NCAM2: variants seen among roughly 807,000 people sequenced by gnomAD.
NCAM2 encodes the protein neural cell adhesion molecule 2.
NCAM2 carries 30 observed loss-of-function variants against 98.1 expected under a neutral mutation model. The ratio of observed to expected loss-of-function variants is 0.31; its 90% CI spans 0.23 to 0.41. The LOEUF is 0.41. NCAM2 is among the 10% of genes least tolerant of loss of function. NCAM2 has a pLI of 1.00. For missense variants in NCAM2, 867 were observed against 1,005.8 expected, an observed-to-expected ratio of 0.86 and a Z score of 1.87; for synonymous variants, 368 against 342.4, an observed-to-expected ratio of 1.07 and a Z score of -0.83.
chr21:21,454,532 G>A (rs529120184), intron 12 of NCAM2, among the ~76,000 whole-genome samples: 3 of 152,072 alleles, frequency 2.0e-5, no homozygotes, highest in Admixed American at 1.3e-4. Flanking sequence ...TCAAAATAAT[G>A]TGTATTAGAC....
At chr21:21,049,868 T>C (rs2065072051) in intron 1 of NCAM2, among the ~76,000 whole-genome samples, 1 of 141,152 alleles carries the variant, frequency 7.1e-6, no homozygotes, top group Non-Finnish European at 1.6e-5. Flanking sequence ...TGAAACTCCA[T>C]CTCAAAAAAA....
chr21:21,359,627 G>A (rs1179670284), intron 8 of NCAM2, among the ~76,000 whole-genome samples: 1 of 151,684 alleles, frequency 6.6e-6, no homozygotes, highest in Non-Finnish European at 1.5e-5. Flanking sequence ...AGTTGTTTGG[G>A]GGAAAATGTT....
At chr21:21,368,383 A>C (rs1449313752) in intron 8 of NCAM2, among the ~76,000 whole-genome samples, 1 of 151,780 alleles carries the variant, frequency 6.6e-6, no homozygotes, top group Non-Finnish European at 1.5e-5. Flanking sequence ...CATTTTCACT[A>C]CCATTACCTT....
chr21:21,116,804 G>A (rs113947153), intron 1 of NCAM2, among the ~76,000 whole-genome samples: 1 of 151,668 alleles, frequency 6.6e-6, no homozygotes, highest in Non-Finnish European at 1.5e-5. Flanking sequence ...GCAGTGAGCC[G>A]AGATCGTGCC....
rs545038976 is a variant in NCAM2 at position 21,043,681 on chromosome 21, A to G, written c.55+45063A>G. On this transcript the variant is annotated intron_variant, in intron 1 of 17. Coordinates refer to ENST00000400546, the MANE Select transcript of NCAM2 (RefSeq NM_004540.5). ...TCCTGGCTAACACAGTGAAACCGCG[A>G]ATCTACTAAAAATACAAAAAAAAAT... is the stretch of plus-strand genomic sequence containing the variant. Among the ~76,000 whole-genome samples the G allele has an allele frequency of 2.6e-4, 40 of 151,722 alleles. No individual in the cohort carries two copies. In the East Asian group the frequency reaches 7.6e-3, roughly 29 times the overall value.
At chr21:21,153,529 A>T (rs1236452148) in intron 1 of NCAM2, among the ~76,000 whole-genome samples, 2 of 151,976 alleles carry the variant, frequency 1.3e-5, no homozygotes, top group Non-Finnish European at 2.9e-5. Context: ...ATTTAAATGA[A>T]CGTTTGGAGG....
At position 21,235,357 on chromosome 21, in the gene NCAM2, T is replaced by C. The variant is rs887847360; in HGVS notation, c.56-45221T>C. Among the ~76,000 whole-genome samples the C allele has an allele frequency of 2.0e-5, 3 of 152,086 alleles. No homozygotes were observed. The East Asian group carries it at 5.8e-4, about 29-fold the overall frequency. Reference sequence around the variant, plus strand: ...TTGCAGGGAAATTTAAGAAATAGTTTTATTTATTTCTTCTCTGATTAAATA... The same window carrying C: ...TTGCAGGGAAATTTAAGAAATAGTTCTATTTATTTCTTCTCTGATTAAATA... On this transcript the variant is annotated intron_variant, in intron 1 of 17. Coordinates refer to ENST00000400546, the MANE Select transcript of NCAM2 (RefSeq NM_004540.5).
At chr21:21,522,652 A>G (rs1237091335) in intron 16 of NCAM2, among the ~76,000 whole-genome samples, 2 of 47,592 alleles carry the variant, frequency 4.2e-5, no homozygotes, top group East Asian at 1.5e-3. Flanking sequence ...TTTTTTTGAG[A>G]CAGAGTTTTA....
At chr21:21,249,388 AC>A (rs928372392) in intron 1 of NCAM2, among the ~76,000 whole-genome samples, 101 of 152,112 alleles carry the variant, frequency 6.6e-4, no homozygotes, top group African/African-American at 2.2e-3. Context: ...AACTGCTGGA[AC>A]CCCAGGATAC....
chr21:21,296,788 G>A (rs1406146052), intron 5 of NCAM2, among the ~76,000 whole-genome samples: 1 of 151,756 alleles, frequency 6.6e-6, no homozygotes, highest in Non-Finnish European at 1.5e-5. Flanking sequence ...CTGTGTCACA[G>A]AGGCAAGAGG....
intron 5 of NCAM2, among the ~76,000 whole-genome samples, chr21:21,296,195 C>T (rs1313972795): frequency 6.6e-6 from 1 of 151,712 alleles, no homozygotes; most frequent in Non-Finnish European, 1.5e-5. Context: ...TTACTAAAGT[C>T]CTTTATTGTT....
At chr21:21,324,835 A>G (rs551841263) in intron 6 of NCAM2, among the ~76,000 whole-genome samples, 2 of 152,254 alleles carry the variant, frequency 1.3e-5, no homozygotes, top group African/African-American at 2.4e-5. Context: ...TTGATATTCT[A>G]GTGTTATTGA....
chr21:21,236,965 C>G (rs917502166), intron 1 of NCAM2, among the ~76,000 whole-genome samples: 1 of 152,136 alleles, frequency 6.6e-6, no homozygotes, highest in African/African-American at 2.4e-5. Context: ...TCACATTTGT[C>G]TATTTTCAAC....
Position 21,257,715 on chromosome 21 carries a change from TG to T in NCAM2, c.56-22859del, listed in dbSNP as rs1204300626. ...CTCCTGCCTAAACCTCCTGAGTAGC[TG>T]GGGTTCCAGGGACCCGCCACTATGC... On this transcript the variant is annotated intron_variant, in intron 1 of 17. Transcript: ENST00000400546. Among the ~76,000 whole-genome samples the T allele has an allele frequency of 3.3e-5, 5 of 152,128 alleles. No individual in the cohort carries two copies. In the East Asian group the frequency reaches 5.8e-4, roughly 18 times the overall value.
chr21:21,160,105 T>C (rs1024520485), intron 1 of NCAM2, among the ~76,000 whole-genome samples: 1 of 152,088 alleles, frequency 6.6e-6, no homozygotes, highest in Non-Finnish European at 1.5e-5. Flanking sequence ...TAACAAGTCT[T>C]TTAAATATAT....
rs1368917681 is a variant in NCAM2, at chr21:21,530,181, TGATTTAATTTAATTTAATTATATATA to T, written c.2283-4355_2283-4330del. Among the ~76,000 whole-genome samples the T allele has an allele frequency of 4.6e-5, 6 of 129,630 alleles. No homozygotes were observed. The East Asian group carries it at 8.1e-4, about 18-fold the overall frequency. 85.0% of individuals were successfully genotyped at this position (129,630 alleles called of 152,430 possible). ...TGATTTAATTTAATTTAATTATATA[TGATTTAATTTAATTTAATTATATATA>T]ATTTAATTTAATTTAATTATATATA... is the stretch of plus-strand genomic sequence containing the variant. On this transcript the variant is annotated intron_variant, in intron 16 of 17. Coordinates refer to ENST00000400546, the MANE Select transcript of NCAM2 (RefSeq NM_004540.5).
chr21:21,215,713 G>A (rs536379981), intron 1 of NCAM2, among the ~76,000 whole-genome samples: 4 of 151,762 alleles, frequency 2.6e-5, no homozygotes, highest in African/African-American at 4.8e-5. Context: ...AGGCGACAGA[G>A]CAAAGATTCC....
At chr21:21,183,146 A>C (rs1419837126) in intron 1 of NCAM2, among the ~76,000 whole-genome samples, 1 of 152,112 alleles carries the variant, frequency 6.6e-6, no homozygotes, top group African/African-American at 2.4e-5. Flanking sequence ...ATGTTATATA[A>C]ATTACTTTTT....
At chr21:21,407,188 A>G (rs567989914) in intron 9 of NCAM2, among the ~76,000 whole-genome samples, 1 of 152,316 alleles carries the variant, frequency 6.6e-6, no homozygotes, top group African/African-American at 2.4e-5. Flanking sequence ...CCAAGTTGTT[A>G]ATTGCATTGA....
Sources: gnomAD v4.1 joint callset for allele counts (sites outside exome capture counted in the v4.1 genomes callset) on GRCh38, gnomAD v4.1.1 for gene constraint, MANE v1.5 for transcripts, NCBI Gene and HGNC (gene_info 2026-07-23, HGNC 2026-07-21) for gene names.